Variants in NT5DC3 observed in about 807,000 individuals in gnomAD.
NT5DC3 encodes 5'-nucleotidase domain-containing protein 3.
In NT5DC3, 42 loss-of-function variants were observed where a neutral mutation model predicts 67.8. The ratio of observed to expected loss-of-function variants is 0.62; its 90% CI spans 0.48 to 0.80. The LOEUF is 0.80. Ranked by LOEUF, NT5DC3 falls within the 30% of genes least tolerant of loss-of-function variation. NT5DC3 has a pLI of 0.00. For missense variants in NT5DC3, 570 were observed against 696.4 expected (o/e 0.82, Z 2.04); for synonymous variants, 237 against 255.6 (o/e 0.93, Z 0.69).
chr12:103,805,649 C>A (rs539180697), intron 4 of NT5DC3, among the ~76,000 whole-genome samples: 2 of 152,090 alleles, frequency 1.3e-5, no homozygotes, highest in African/African-American at 4.8e-5. Context: ...AGTTCAAGAC[C>A]AGCCTGGCTA....
At chr12:103,831,583 A>G (rs1477568056) in intron 1 of NT5DC3, among the ~76,000 whole-genome samples, 1 of 152,024 alleles carries the variant, frequency 6.6e-6, no homozygotes, top group Non-Finnish European at 1.5e-5. Context: ...AAGTTTCTCT[A>G]TTGTCTCCCT....
chr12:103,757,016 T>TAAA, the NT5DC3 span, among the ~76,000 whole-genome samples: 1 of 135,270 alleles, frequency 7.4e-6, no homozygotes, highest in Non-Finnish European at 1.6e-5. Context: ...TATATATATA[T>TAAA]ATATATATAT....
At chr12:103,790,609 C>T (rs1314653705) in intron 9 of NT5DC3, among the ~76,000 whole-genome samples, 1 of 151,986 alleles carries the variant, frequency 6.6e-6, no homozygotes, top group Non-Finnish European at 1.5e-5. Flanking sequence ...GTCTCAAACT[C>T]CTGGGCTCAA....
At chr12:103,800,389 A>G (rs1886515795) in intron 4 of NT5DC3, among the ~76,000 whole-genome samples, 2 of 152,380 alleles carry the variant, frequency 1.3e-5, no homozygotes, top group African/African-American at 2.4e-5. Context: ...GACCTTGGAA[A>G]TCAGCCCTTG....
At chr12:103,762,385 G>C in the NT5DC3 span, 1 of 1,614,166 alleles carries the variant, frequency 6.2e-7, no homozygotes, top group Non-Finnish European at 8.5e-7. Context: ...GAGAACAATC[G>C]GCTTCCAGCA....
intron 1 of NT5DC3, among the ~76,000 whole-genome samples, chr12:103,839,294 C>A (rs1330977139): frequency 6.6e-6 from 1 of 152,164 alleles, no homozygotes; most frequent in Admixed American, 6.5e-5. Context: ...CCAACCAGGC[C>A]GGAGTACAGT....
At chr12:103,753,331 A>G in the NT5DC3 span, 3 of 1,614,222 alleles carry the variant, frequency 1.9e-6, no homozygotes, top group Middle Eastern at 1.6e-4. Flanking sequence ...GCAACCTACA[A>G]CCAGCTCTCC....
chr12:103,754,155 C>T, the NT5DC3 span, among the ~76,000 whole-genome samples: 1 of 152,008 alleles, frequency 6.6e-6, no homozygotes, highest in South Asian at 2.1e-4. Flanking sequence ...TATTCCTTTA[C>T]CAAGGAATAA....
intron 11 of NT5DC3, among the ~76,000 whole-genome samples, chr12:103,787,006 T>G (rs1885814725): frequency 1.3e-5 from 2 of 152,156 alleles, no homozygotes. Flanking sequence ...TCTTGAAGCC[T>G]TTGAATATTT....
intron 1 of NT5DC3, among the ~76,000 whole-genome samples, chr12:103,833,676 G>A (rs1327867547): frequency 2.0e-5 from 3 of 150,682 alleles, no homozygotes; most frequent in Non-Finnish European, 2.9e-5. Flanking sequence ...CAGCCAAGTA[G>A]TGAAACATTC....
intron 9 of NT5DC3, among the ~76,000 whole-genome samples, chr12:103,792,048 C>T (rs1249965588): frequency 6.6e-6 from 1 of 152,178 alleles, no homozygotes; most frequent in Non-Finnish European, 1.5e-5. Context: ...CACTGATCAC[C>T]CCAGAGTTTA....
At chr12:103,785,839 C>T in intron 11 of NT5DC3, 1 of 429,858 alleles carries the variant, frequency 2.3e-6, no homozygotes, top group African/African-American at 2.1e-5. Context: ...TCATTCAATT[C>T]ATCCACAGAC....
At chr12:103,815,468 C>G (rs964301075) in intron 1 of NT5DC3, among the ~76,000 whole-genome samples, 1 of 152,226 alleles carries the variant, frequency 6.6e-6, no homozygotes, top group African/African-American at 2.4e-5. Flanking sequence ...GTTAACCAGA[C>G]TGGAGTGCAG....
intron 4 of NT5DC3, among the ~76,000 whole-genome samples, chr12:103,800,162 G>A (rs73192054): frequency 2.0e-3 from 312 of 152,280 alleles, no homozygotes; most frequent in African/African-American, 7.1e-3. Flanking sequence ...GATATGTAAC[G>A]TTAACAAAAA....
chr12:103,763,433 G>C, the NT5DC3 span: 1 of 1,526,066 alleles, frequency 6.6e-7, no homozygotes, highest in Non-Finnish European at 9.0e-7. Context: ...CTGCCAACTT[G>C]GCTGAGACGC....
In NT5DC3 at chr12:103,773,730, T is replaced by A. The variant is rs1326961925; in HGVS notation, c.*4099A>T. ...AAATGAGCAGGCAGAAAAGTGGAAT[T>A]CAGTTCCAGTATTTAGCCCAGTCTC... On this transcript the variant is annotated 3_prime_UTR_variant, in exon 14 of 14. Coordinates refer to ENST00000392876, the MANE Select transcript of NT5DC3 (RefSeq NM_001031701.3). The A allele has an allele frequency of 2.0e-5, 3 of 152,266 alleles. No homozygotes were observed. The highest frequency in any genetic ancestry group is 4.4e-5 in the Non-Finnish European group (3 of 68,040). The allele number at this position is 152,266 out of a possible 1,614,324, so 9.4% of individuals were successfully genotyped here.
At chr12:103,750,506 T>C in the NT5DC3 span, 2 of 1,580,912 alleles carry the variant, frequency 1.3e-6, no homozygotes, top group Non-Finnish European at 1.7e-6. Flanking sequence ...TGGACATTGG[T>C]CCCATGGGCA....
the NT5DC3 span, chr12:103,763,200 C>T: frequency 3.1e-6 from 1 of 323,242 alleles, no homozygotes; most frequent in Non-Finnish European, 5.8e-6. Flanking sequence ...CAGCAGTTAC[C>T]CTGGGTGGCA....
Position 103,793,974 on chromosome 12 carries a change from G to A in NT5DC3, c.777C>T (p.Ile259=). The A allele has an allele frequency of 6.2e-7, 1 of 1,613,634 alleles. No individual in the cohort carries two copies. Among genetic ancestry groups the A allele is most frequent in the Non-Finnish European group, 8.5e-7 (1 of 1,179,564 alleles). ...CAATTGCTCTGTACATTATTCCTTT[G>A]ATGTGGACGTCTCGAATTGAATCCT... ...DVKDSIRDVH[I]KGIMYRAIEA... The change falls in exon 7 of 14, where the codon ATC becomes ATT. Residue 259 remains isoleucine, a synonymous_variant. Coordinates refer to ENST00000392876, the MANE Select transcript of NT5DC3 (RefSeq NM_001031701.3).
Sources: allele counts gnomAD v4.1 joint callset (sites outside exome capture counted in the v4.1 genomes callset), GRCh38; gene constraint gnomAD v4.1.1; transcripts MANE v1.5; gene names NCBI Gene and HGNC (gene_info 2026-07-23, HGNC 2026-07-21).